RFX3: variants seen among roughly 807,000 people sequenced by gnomAD.
RFX3 encodes the protein transcription factor RFX3.
RFX3 carries 14 observed loss-of-function variants against 98.6 expected under a neutral mutation model. The observed-to-expected ratio is 0.14, with a 90% CI of 0.09 to 0.22. The LOEUF is 0.22. Ranked by LOEUF, RFX3 falls within the 10% of genes least tolerant of loss-of-function variation. The pLI is 1.00. For synonymous variants in RFX3, 383 were observed against 328.4 expected (o/e 1.17, Z -1.80); for missense variants, 639 against 926.9 (o/e 0.69, Z 4.03).
At chr9:3,515,259 A>T (rs1818042073) in intron 1 of RFX3, among the ~76,000 whole-genome samples, 1 of 152,192 alleles carries the variant, frequency 6.6e-6, no homozygotes, top group Non-Finnish European at 1.5e-5. Context: ...GGTTCCTTAA[A>T]AAAGAAAGAT....
At chr9:3,419,650 T>C (rs1483374007) in intron 1 of RFX3, among the ~76,000 whole-genome samples, 1 of 152,220 alleles carries the variant, frequency 6.6e-6, no homozygotes, top group South Asian at 2.1e-4. Context: ...TCCGTTGGTA[T>C]CTGCAGGGTA....
intron 5 of RFX3, among the ~76,000 whole-genome samples, chr9:3,296,389 C>T (rs1827994368): frequency 6.6e-6 from 1 of 151,892 alleles, no homozygotes; most frequent in Admixed American, 6.6e-5. Context: ...ACTCGATTGG[C>T]TATGCAGGCC....
At chr9:3,497,398 T>C (rs1851190863) in intron 1 of RFX3, among the ~76,000 whole-genome samples, 1 of 151,980 alleles carries the variant, frequency 6.6e-6, no homozygotes, top group South Asian at 2.1e-4. Flanking sequence ...AGTGGATTAT[T>C]AAAGGATAAA....
At chr9:3,516,157 T>C (rs182563103) in intron 1 of RFX3, among the ~76,000 whole-genome samples, 1 of 152,158 alleles carries the variant, frequency 6.6e-6, no homozygotes, top group African/African-American at 2.4e-5. Context: ...CACACCATTC[T>C]CTCACCTCAG....
intron 2 of RFX3, among the ~76,000 whole-genome samples, chr9:3,364,157 A>C (rs1563989159): frequency 6.6e-6 from 1 of 152,232 alleles, no homozygotes; most frequent in South Asian, 2.1e-4. Flanking sequence ...TACAGGCATG[A>C]ACCACTGCAC....
At chr9:3,345,079 A>G (rs934525665) in intron 3 of RFX3, among the ~76,000 whole-genome samples, 8 of 152,206 alleles carry the variant, frequency 5.3e-5, no homozygotes, top group Non-Finnish European at 8.8e-5. Flanking sequence ...AAGCATTCAC[A>G]GTACAATGCT....
At chr9:3,294,350 C>A (rs1334038311) in intron 5 of RFX3, among the ~76,000 whole-genome samples, 1 of 152,022 alleles carries the variant, frequency 6.6e-6, no homozygotes, top group Non-Finnish European at 1.5e-5. Flanking sequence ...TAATAAAGAG[C>A]TGACATTTAA....
intron 1 of RFX3, among the ~76,000 whole-genome samples, chr9:3,488,386 TAA>T (rs1850450163): frequency 6.6e-6 from 1 of 152,164 alleles, no homozygotes; most frequent in South Asian, 2.1e-4. Flanking sequence ...TGCAAATCCA[TAA>T]AAAGATTCAC....
At chr9:3,262,518 C>A (rs1260949953) in intron 13 of RFX3, among the ~76,000 whole-genome samples, 6 of 152,062 alleles carry the variant, frequency 3.9e-5, no homozygotes, top group Admixed American at 6.6e-5. Flanking sequence ...TGTCATGGTA[C>A]AAATTATTAA....
chr9:3,279,783 G>A (rs1174831765), intron 7 of RFX3, among the ~76,000 whole-genome samples: 2 of 151,726 alleles, frequency 1.3e-5, no homozygotes, highest in Admixed American at 6.6e-5. Context: ...CCTAATGAAA[G>A]GAGAGATTAT....
intron 15 of RFX3, among the ~76,000 whole-genome samples, chr9:3,237,972 CA>C (rs760381489): frequency 0.012 from 1,178 of 96,776 alleles, 19 homozygotes; most frequent in Admixed American, 0.042. Context: ...GACCCTGTCT[CA>C]AAAAAAAAAA....
intron 1 of RFX3, among the ~76,000 whole-genome samples, chr9:3,429,595 G>A (rs1772526913): frequency 6.6e-6 from 1 of 151,924 alleles, no homozygotes; most frequent in African/African-American, 2.4e-5. Flanking sequence ...TTCCCTCTAG[G>A]CTCCTGGAGG....
chr9:3,371,301 A>G (rs1455046392), intron 2 of RFX3, among the ~76,000 whole-genome samples: 1 of 152,212 alleles, frequency 6.6e-6, no homozygotes, highest in African/African-American at 2.4e-5. Flanking sequence ...CTTTAAAATC[A>G]TGCAACCAAT....
rs1817632211 is a variant in RFX3 at position 3,225,279 on chromosome 9, A to C, written c.2013T>G (p.Asp671Glu). The change falls in exon 17 of 17, where the codon GAT becomes GAG. Residue 671 changes from aspartate (D) to glutamate (E), a missense_variant and splice_region_variant. Asp to Glu is a conservative substitution (Grantham distance 45). Coordinates refer to ENST00000617270, the MANE Select transcript of RFX3 (RefSeq NM_001282116.2). ...NAVSPGNLDK[D>E]EGSEVESEMD... ...TTTCACTTTCTACTTCACTGCCTTC[A>C]TCTGCACAAACAAATAATACCAAGA... The C allele has an allele frequency of 6.2e-7, 1 of 1,613,048 alleles. No individual in the cohort carries two copies. The highest frequency in any genetic ancestry group is 8.5e-7 in the Non-Finnish European group (1 of 1,179,826).
At chr9:3,240,904 T>C (rs1172070757) in intron 15 of RFX3, among the ~76,000 whole-genome samples, 1 of 152,158 alleles carries the variant, frequency 6.6e-6, no homozygotes, top group Non-Finnish European at 1.5e-5. Flanking sequence ...AGGGAATCTT[T>C]TTCTCTGGTT....
At chr9:3,481,328 G>A (rs1363562384) in intron 1 of RFX3, among the ~76,000 whole-genome samples, 2 of 152,056 alleles carry the variant, frequency 1.3e-5, no homozygotes, top group African/African-American at 4.8e-5. Context: ...TGGCTTTAAT[G>A]CAACGTTGTT....
chr9:3,451,541 A>G (rs1430001179), intron 1 of RFX3, among the ~76,000 whole-genome samples: 1 of 152,174 alleles, frequency 6.6e-6, no homozygotes, highest in African/African-American at 2.4e-5. Context: ...GAGTCTCAAA[A>G]AGATAATAAA....
At chr9:3,424,516 C>G (rs138459289) in intron 1 of RFX3, among the ~76,000 whole-genome samples, 1 of 150,626 alleles carries the variant, frequency 6.6e-6, no homozygotes, top group African/African-American at 2.4e-5. Flanking sequence ...CGCCCGCCAC[C>G]GCGCCCGGAT....
At chr9:3,464,278 A>G (rs890355927) in intron 1 of RFX3, among the ~76,000 whole-genome samples, 6 of 152,216 alleles carry the variant, frequency 3.9e-5, no homozygotes, top group Admixed American at 1.3e-4. Flanking sequence ...CGCTTTGTAC[A>G]CATTTATCCG....
Sources: allele counts gnomAD v4.1 joint callset (sites outside exome capture counted in the v4.1 genomes callset), GRCh38; gene constraint gnomAD v4.1.1; transcripts MANE v1.5; gene names NCBI Gene and HGNC (gene_info 2026-07-23, HGNC 2026-07-21).